The following FAM32A variants were observed in gnomAD, a reference collection of about 807,000 sequenced individuals.
FAM32A encodes the protein protein FAM32A.
In FAM32A, 9 loss-of-function variants were observed where a neutral mutation model predicts 15.8. The ratio of observed to expected loss-of-function variants is 0.57; its 90% CI spans 0.34 to 1.00. FAM32A has a LOEUF of 1.00. Ranked by LOEUF, FAM32A falls within the 50% of genes least tolerant of loss-of-function variation. The pLI, the probability that FAM32A is intolerant of heterozygous loss-of-function variation, is 0.02. For missense variants in FAM32A, 113 were observed against 138.3 expected (o/e 0.82, Z 0.92); for synonymous variants, 64 against 54.9 (o/e 1.16, Z -0.73).
At chr19:16,188,803 G>A (rs923647999) in intron 2 of FAM32A, among the ~76,000 whole-genome samples, 3 of 152,118 alleles carry the variant, frequency 2.0e-5, no homozygotes, top group African/African-American at 7.2e-5. Context: ...CAGGAGGTGA[G>A]GGAATGAAGG....
chr19:16,190,601 C>T, intron 3 of FAM32A, 28 bp downstream of exon 3: 2 of 1,588,876 alleles, frequency 1.3e-6, no homozygotes, highest in East Asian at 2.2e-5. Context: ...GTGGGGGAGA[C>T]TGAGCCATTC....
intron 2 of FAM32A, 126 bp downstream of exon 2, chr19:16,185,891 A>G (rs1052750837): frequency 9.1e-7 from 1 of 1,096,638 alleles, no homozygotes; most frequent in Non-Finnish European, 1.3e-6. Context: ...TTACGGGGAG[A>G]GGATGCTGTA....
chr19:16,190,263 C>T (rs1003938942), intron 2 of FAM32A, among the ~76,000 whole-genome samples: 1 of 152,268 alleles, frequency 6.6e-6, no homozygotes, highest in Admixed American at 6.5e-5. Flanking sequence ...GCCGACAGCT[C>T]CCAGCAGAGT....
Position 16,185,671 on chromosome 19 carries a change from T to C in FAM32A, c.122T>C (p.Met41Thr), listed in dbSNP as rs899347752. The change falls in exon 2 of 4, where the codon ATG becomes ACG. Residue 41 changes from methionine to threonine, a missense_variant. Transcript: ENST00000263384. ...GACAAAGCGAAACTCCTGGAAGCAA[T>C]GGGAACGAGCAAAAAGAACGAGGAG... ...DKDKAKLLEA[M>T]GTSKKNEEEK... is the part of the protein sequence containing the mutation. 1 of 1,587,868 alleles carries C rather than the reference T, an allele frequency of 6.3e-7. No homozygotes were observed. Among genetic ancestry groups the C allele is most frequent in the South Asian group, 1.1e-5 (1 of 87,362 alleles).
chr19:16,190,888 A>C lies in FAM32A; in HGVS notation c.272A>C (p.Asp91Ala). 1 of 1,613,930 alleles carries C rather than the reference A, an allele frequency of 6.2e-7. No individual in the cohort carries two copies. The highest frequency in any genetic ancestry group is 8.5e-7 in the Non-Finnish European group (1 of 1,179,854). Residue 91 changes from aspartate to alanine, a missense_variant and splice_region_variant, in exon 4 of 4, where the codon GAC (aspartate) becomes GCC (alanine). Physicochemically the swap from Asp to Ala is moderately radical, Grantham distance 126. Transcript: ENST00000263384. ...ASKTHKQRVE[D>A]FNRHLDTLTE... Reference sequence around the variant, plus strand: ...CGGCCTTCTACTCCACCTCCCCAGGACTTCAACAGACACCTGGACACACTC... The same window carrying C: ...CGGCCTTCTACTCCACCTCCCCAGGCCTTCAACAGACACCTGGACACACTC...
At chr19:16,190,188 G>T (rs1404795959) in intron 2 of FAM32A, among the ~76,000 whole-genome samples, 1 of 152,026 alleles carries the variant, frequency 6.6e-6, no homozygotes, top group African/African-American at 2.4e-5. Flanking sequence ...CCTGAAACCC[G>T]CTCTGGGACT....
chr19:16,185,789 G>T (rs1280407937), intron 2 of FAM32A, 24 bp downstream of exon 2: 2 of 1,543,512 alleles, frequency 1.3e-6, no homozygotes, highest in Admixed American at 2.1e-5. Context: ...GAAGGCGGCG[G>T]GGAGGCGGGA....
rs1481639250 is a variant in FAM32A, at chr19:16,185,806, G to T, written c.216+41G>T. The T allele has an allele frequency of 1.3e-6, 2 of 1,537,552 alleles. 1 individual carries two copies. The highest frequency in any genetic ancestry group is 1.8e-6 in the Non-Finnish European group (2 of 1,142,522). ...AGGCGGCGGGGAGGCGGGAACACCC[G>T]GCGCCGGGAGACTGGAAATTGGGGT... On this transcript the variant is annotated intron_variant, in intron 2 of 3. Transcript: ENST00000263384.
rs78936999 is a variant in FAM32A at position 16,185,575 on chromosome 19, C to A, written c.75-49C>A. On this transcript the variant is annotated intron_variant, in intron 1 of 3. Transcript: ENST00000263384. ...ATCCCCCTTAGACCTTTTCTCGGGACCCCTGGCCCTGATCCTCCGACCCGC... is the reference window on the plus strand; with the variant it reads ...ATCCCCCTTAGACCTTTTCTCGGGAACCCTGGCCCTGATCCTCCGACCCGC... 2.1e-3 allele frequency: 3,359 copies of A among 1,587,440 alleles called. 80 individuals carry two copies. The African/African-American group carries it at 0.04, about 19-fold the overall frequency.
At chr19:16,189,935 C>A (rs2091399620) in intron 2 of FAM32A, among the ~76,000 whole-genome samples, 1 of 152,054 alleles carries the variant, frequency 6.6e-6, no homozygotes, top group Non-Finnish European at 1.5e-5. Flanking sequence ...TCCCAAAGTG[C>A]TGGGATTACA....
Position 16,190,461 on chromosome 19 carries a change from A to C in FAM32A, c.217-59A>C, listed in dbSNP as rs946566966. The C allele has an allele frequency of 1.2e-4, 148 of 1,277,274 alleles. 1 individual carries two copies. The East Asian group carries it at 3.5e-3, about 30-fold the overall frequency. 79.1% of individuals were successfully genotyped at this position (1,277,274 alleles called of 1,614,324 possible). A position where few individuals can be genotyped will look rare whatever the true frequency, so the allele number is the denominator to read the frequency against. ...CTGGCCAGGCTCCATCTTCCACCCC[A>C]TGCCAGCCTGGGCTGTGTTGAGCCT... On this transcript the variant is annotated intron_variant, in intron 2 of 3. Transcript: ENST00000263384.
intron 2 of FAM32A, chr19:16,189,361 C>T (rs2091397370): frequency 6.6e-6 from 1 of 152,310 alleles, no homozygotes; most frequent in African/African-American, 2.4e-5. Context: ...TTCATGTCAT[C>T]TCATCTTCCA....
intron 2 of FAM32A, among the ~76,000 whole-genome samples, chr19:16,189,140 A>G (rs2145098995): frequency 6.8e-6 from 1 of 148,096 alleles, no homozygotes; most frequent in Admixed American, 6.9e-5. Flanking sequence ...CTCCTGCCTC[A>G]GCCTCCCAAG....
intron 2 of FAM32A, 28 bp from the exon 3 acceptor site, chr19:16,190,492 C>G (rs1271023733): frequency 6.4e-7 from 1 of 1,569,438 alleles, no homozygotes; most frequent in Admixed American, 1.8e-5. Flanking sequence ...AGCCTGTAAA[C>G]TCACCTCCAT....
At chr19:16,185,556 C>T (rs2091381683) in intron 1 of FAM32A, 40 bp downstream of exon 1, 1 of 1,576,654 alleles carries the variant, frequency 6.3e-7, no homozygotes, top group Non-Finnish European at 8.6e-7. Flanking sequence ...CTTCATCCCC[C>T]TTAGACCTTT....
chr19:16,187,169 ATTAC>A lies in FAM32A; in HGVS notation c.216+1408_216+1411del, dbSNP rs2091389231. 2.0e-5 allele frequency: 3 copies of A among 152,238 alleles called. No homozygotes were observed. In the South Asian group the frequency reaches 6.2e-4, roughly 32 times the overall value. The allele number at this position is 152,238 out of a possible 1,614,324, so 9.4% of individuals were successfully genotyped here. A position where few individuals can be genotyped will look rare whatever the true frequency, so the allele number is the denominator to read the frequency against. ...GTGACCCTGGGCAAGCCGGCTACCT[ATTAC>A]TTAAAGTAGCACTAAAGTCTGCCTC... is the stretch of plus-strand genomic sequence containing the variant. On this transcript the variant is annotated intron_variant, in intron 2 of 3. Coordinates refer to ENST00000263384, the MANE Select transcript of FAM32A (RefSeq NM_014077.4).
chr19:16,185,787 C>CG, intron 2 of FAM32A, 22 bp downstream of exon 2: 1 of 1,542,824 alleles, frequency 6.5e-7, no homozygotes, highest in Non-Finnish European at 8.7e-7. Context: ...CAGAAGGCGG[C>CG]GGGGAGGCGG....
chr19:16,190,472 G>T, intron 2 of FAM32A, 48 bp from the exon 3 acceptor site: 1 of 1,377,100 alleles, frequency 7.3e-7, no homozygotes, highest in South Asian at 1.2e-5. Flanking sequence ...TGCCAGCCTG[G>T]GCTGTGTTGA....
At position 16,185,711 on chromosome 19, in the gene FAM32A, C is replaced by G; in HGVS notation, c.162C>G (p.Gly54=). 6.4e-7 allele frequency: 1 copy of G among 1,561,356 alleles called. No individual in the cohort carries two copies. The highest frequency in any genetic ancestry group is 8.7e-7 in the Non-Finnish European group (1 of 1,151,512). The change falls in exon 2 of 4, where the codon GGC becomes GGG. Residue 54 remains glycine (G), a synonymous_variant. Transcript: ENST00000263384. ...SKKNEEEKRR[G]LDKRTPAQAA... ...AGAACGAGGAGGAGAAGCGGCGCGG[C>G]CTGGACAAGCGGACCCCGGCCCAGG...
Sources: allele counts gnomAD v4.1 joint callset (sites outside exome capture counted in the v4.1 genomes callset), GRCh38; gene constraint gnomAD v4.1.1; transcripts MANE v1.5; gene names NCBI Gene and HGNC (gene_info 2026-07-23, HGNC 2026-07-21).